Variants in RNF31 observed in about 807,000 individuals in gnomAD.
RNF31 encodes E3 ubiquitin-protein ligase RNF31.
A neutral mutation model predicts 133.6 loss-of-function variants in RNF31; 38 were observed. That is an observed-to-expected ratio of 0.28 (90% CI 0.22 to 0.37). RNF31 has a LOEUF of 0.37. Ranked by LOEUF, RNF31 falls within the 10% of genes least tolerant of loss-of-function variation. The pLI, the probability that RNF31 is intolerant of heterozygous loss-of-function variation, is 1.00. For synonymous variants in RNF31, 582 were observed against 552.3 expected (o/e 1.05, Z -0.75); for missense variants, 1,118 against 1,394.1 (o/e 0.80, Z 3.15).
chr14:24,155,138 C>G lies in RNF31; in HGVS notation c.2131-19C>G, dbSNP rs777094616. ...GCTGTGGCTTCTGACCCCCTCCCCT[C>G]CAACCCCTCACCCTCCAGATGCAGG... On this transcript the variant is annotated intron_variant, in intron 11 of 20. Coordinates refer to ENST00000324103, the MANE Select transcript of RNF31 (RefSeq NM_017999.5). The surrounding 1 kb of genome is among the most constrained non-coding windows in gnomAD (Gnocchi z 4.9). 19 of 1,610,050 alleles carry G rather than the reference C, an allele frequency of 1.2e-5. No homozygotes were observed. Among genetic ancestry groups the G allele is most frequent in the Non-Finnish European group, 1.6e-5 (19 of 1,176,738 alleles).
rs375078306 is a variant in RNF31 at position 24,157,422 on chromosome 14, G to A, written c.2608+18G>A. 499 of 1,605,704 alleles carry A rather than the reference G, an allele frequency of 3.1e-4. No individual in the cohort carries two copies. Among genetic ancestry groups the A allele is most frequent in the Non-Finnish European group, 3.7e-4 (431 of 1,173,076 alleles). ...CGGCATTGGTAAGGCCTCCCTACTC[G>A]GCCTGTTTGCTCAGAAGCCTGTCAT... On this transcript the variant is annotated intron_variant, in intron 15 of 20. Coordinates refer to ENST00000324103, the MANE Select transcript of RNF31 (RefSeq NM_017999.5).
intron 6 of RNF31, 37 bp from the exon 7 acceptor site, chr14:24,150,024 G>C: frequency 6.6e-7 from 1 of 1,519,100 alleles, no homozygotes; most frequent in African/African-American, 1.4e-5. Context: ...GGCACCAGGT[G>C]CCACTTCAGC....
chr14:24,150,827 C>A lies in RNF31; in HGVS notation c.1427C>A (p.Pro476His). 2 of 1,590,934 alleles carry A rather than the reference C, an allele frequency of 1.3e-6. No individual in the cohort carries two copies. Among genetic ancestry groups the A allele is most frequent in the Non-Finnish European group, 1.7e-6 (2 of 1,167,046 alleles). Reference protein sequence around the residue: ...SAPLPSSCGDPEKQRQDKMRE... With the variant: ...SAPLPSSCGDHEKQRQDKMRE... ...CCCCTGCCCAGTTCCTGTGGAGATCCTGAGAAGCAGCGCCAAGACAAGATG... is the reference window on the plus strand; with the variant it reads ...CCCCTGCCCAGTTCCTGTGGAGATCATGAGAAGCAGCGCCAAGACAAGATG... Residue 476 changes from proline to histidine, a missense_variant, in exon 8 of 21, where the codon CCT becomes CAT. Physicochemically the swap from Pro to His is moderately conservative, Grantham distance 77. Transcript: ENST00000324103.
chr14:24,153,080 TAAA>T (rs750111205), intron 11 of RNF31, among the ~76,000 whole-genome samples: 2 of 136,938 alleles, frequency 1.5e-5, no homozygotes, highest in Non-Finnish European at 1.6e-5. Context: ...GACTCCGTCT[TAAA>T]AAAAAAAAAA....
rs376183207 is a variant in RNF31 at position 24,155,149 on chromosome 14, C to A, written c.2131-8C>A. ...TGACCCCCTCCCCTCCAACCCCTCA[C>A]CCTCCAGATGCAGGCCCTGACTTCC... On this transcript the variant is annotated splice_region_variant and splice_polypyrimidine_tract_variant and intron_variant, in intron 11 of 20. Coordinates refer to ENST00000324103, the MANE Select transcript of RNF31 (RefSeq NM_017999.5). This position sits in a 1 kb window ranked among gnomAD's most constrained non-coding sequence, Gnocchi z 4.9. 3.1e-6 allele frequency: 5 copies of A among 1,612,640 alleles called. No homozygotes were observed. In the African/African-American group the frequency reaches 6.7e-5, roughly 22 times the overall value.
intron 11 of RNF31, 23 bp downstream of exon 11, chr14:24,152,015 T>TGG: frequency 6.2e-7 from 1 of 1,608,418 alleles, no homozygotes; most frequent in Non-Finnish European, 8.5e-7. Context: ...CCACGATACC[T>TGG]GGTCCAAGAA....
At chr14:24,148,961 C>T (rs1234697904) in intron 5 of RNF31, 85 bp downstream of exon 5, 3 of 1,194,114 alleles carry the variant, frequency 2.5e-6, no homozygotes, top group African/African-American at 3.0e-5. Flanking sequence ...TGGTTATCTT[C>T]CTTTGTGTTT....
Position 24,157,546 on chromosome 14 carries a change from G to T in RNF31, c.2635G>T (p.Ala879Ser), listed in dbSNP as rs757337678. 2.5e-6 allele frequency: 4 copies of T among 1,614,052 alleles called. No individual in the cohort carries two copies. Among genetic ancestry groups the T allele is most frequent in the Non-Finnish European group, 2.5e-6 (3 of 1,180,036 alleles). ...IDCPKCKFSYALARGGCMHFH... is the reference protein window; with the variant it reads ...IDCPKCKFSYSLARGGCMHFH... The stretch of plus-strand genomic sequence containing the variant: ...CTGCCCCAAATGCAAGTTCTCGTAC[G>T]CCCTGGCCCGAGGAGGCTGCATGCA... Residue 879 changes from alanine (A) to serine (S), a missense_variant, in exon 16 of 21, where the codon GCC becomes TCC. Physicochemically the swap from Ala to Ser is moderately conservative, Grantham distance 99. Transcript: ENST00000324103.
Position 24,155,823 on chromosome 14 carries a change from T to G in RNF31, c.2493+131T>G. On this transcript the variant is annotated intron_variant, in intron 14 of 20. Transcript: ENST00000324103. The surrounding 1 kb of genome is among the most constrained non-coding windows in gnomAD (Gnocchi z 4.9). ...GAGGTCAAAAGAGCTTACAGACTACTCAGAAAGACTAGGCACAAGGAGAAA... is the reference window on the plus strand; with the variant it reads ...GAGGTCAAAAGAGCTTACAGACTACGCAGAAAGACTAGGCACAAGGAGAAA... 1 of 688,238 alleles carries G rather than the reference T, an allele frequency of 1.5e-6. No individual in the cohort carries two copies. The highest frequency in any genetic ancestry group is 2.5e-6 in the Non-Finnish European group (1 of 395,822). 42.6% of individuals were successfully genotyped at this position (688,238 alleles called of 1,614,324 possible). A position where few individuals can be genotyped will look rare whatever the true frequency, so the allele number is the denominator to read the frequency against.
chr14:24,150,865 C>T lies in RNF31; in HGVS notation c.1465C>T (p.Leu489Phe), dbSNP rs774336017. The stretch of plus-strand genomic sequence containing the variant: ...CCAAGACAAGATGCGGGAAGAAGGC[C>T]TCCAGCTAGTGAGCATGATCCGGGT... The part of the protein sequence containing the change: ...QRQDKMREEG[L>F]QLVSMIREGE... The change falls in exon 8 of 21, where the codon CTC becomes TTC. Residue 489 changes from leucine (L) to phenylalanine (F), a missense_variant. Leu to Phe is a conservative substitution (Grantham distance 22). Around this residue, in one of 3 missense-constraint regions of RNF31, gnomAD observed 747 missense variants for 827.9 expected, o/e 0.90. Transcript: ENST00000324103. 2.8e-5 allele frequency: 44 copies of T among 1,562,288 alleles called. No individual in the cohort carries two copies. Among genetic ancestry groups the T allele is most frequent in the Non-Finnish European group, 3.5e-5 (40 of 1,152,952 alleles).
Position 24,148,111 on chromosome 14 carries a change from G to T in RNF31, c.328G>T (p.Asp110Tyr), listed in dbSNP as rs777705751. ...TAACCCTGTCTTTCGCAGCACGGTGGATGCTGTGCAGGTGAATCCCCTGGC... is the reference window on the plus strand; with the variant it reads ...TAACCCTGTCTTTCGCAGCACGGTGTATGCTGTGCAGGTGAATCCCCTGGC... ...FNNPVFRSTVDAVQGGRDVLR... is the reference protein window; with the variant it reads ...FNNPVFRSTVYAVQGGRDVLR... Residue 110 changes from aspartate to tyrosine, a missense_variant, in exon 2 of 21, where the codon GAT (aspartate) becomes TAT (tyrosine). Around this residue, in one of 3 missense-constraint regions of RNF31, gnomAD observed 747 missense variants for 827.9 expected, o/e 0.90. Coordinates refer to ENST00000324103, the MANE Select transcript of RNF31 (RefSeq NM_017999.5). 1 of 1,614,098 alleles carries T rather than the reference G, an allele frequency of 6.2e-7. No individual in the cohort carries two copies. The highest frequency in any genetic ancestry group is 1.3e-5 in the African/African-American group (1 of 74,932).
At chr14:24,157,846 C>T in intron 16 of RNF31, 52 bp from the exon 17 acceptor site, 1 of 1,490,806 alleles carries the variant, frequency 6.7e-7, no homozygotes, top group Non-Finnish European at 9.3e-7. Context: ...TCCTGAGAGG[C>T]CAGGACCCCA....
intron 6 of RNF31, 104 bp downstream of exon 6, chr14:24,149,687 G>A (rs1278681681): frequency 2.5e-6 from 3 of 1,177,304 alleles, no homozygotes; most frequent in Non-Finnish European, 3.6e-6. Context: ...TTTAATAGAG[G>A]ACAAGTAGCC....
intron 6 of RNF31, 71 bp from the exon 7 acceptor site, chr14:24,149,990 G>A (rs1381327524): frequency 6.7e-7 from 1 of 1,491,428 alleles, no homozygotes; most frequent in Admixed American, 2.2e-5. Flanking sequence ...AGGAAATGGA[G>A]AATGCTTAGA....
intron 6 of RNF31, 62 bp from the exon 7 acceptor site, chr14:24,149,999 G>A (rs1173522032): frequency 6.6e-7 from 1 of 1,508,980 alleles, no homozygotes; most frequent in Non-Finnish European, 8.8e-7. Context: ...AGAATGCTTA[G>A]AGGTGAGGGA....
rs2038332870 is a variant in RNF31, at chr14:24,155,743, CTG to C, written c.2493+55_2493+56del. 6.6e-7 allele frequency: 1 copy of C among 1,508,952 alleles called. No homozygotes were observed. The highest frequency in any genetic ancestry group is 1.1e-5 in the South Asian group (1 of 88,640). The allele number at this position is 1,508,952 out of a possible 1,614,324, so 93.5% of individuals were successfully genotyped here. On this transcript the variant is annotated intron_variant, in intron 14 of 20. Coordinates refer to ENST00000324103, the MANE Select transcript of RNF31 (RefSeq NM_017999.5). The surrounding 1 kb of genome is among the most constrained non-coding windows in gnomAD (Gnocchi z 4.9). ...ATACTTGCTGAGCTACTGCCAGGTA[CTG>C]TGTTAGACTCAGGGGAGTTTGTGTA...
intron 6 of RNF31, 55 bp from the exon 7 acceptor site, chr14:24,150,006 G>C: frequency 6.6e-7 from 1 of 1,513,968 alleles, no homozygotes; most frequent in Non-Finnish European, 8.8e-7. Context: ...TTAGAGGTGA[G>C]GGATCCAGGC....
chr14:24,148,172 G>A (rs772591095), intron 2 of RNF31, 50 bp downstream of exon 2: 29 of 1,613,130 alleles, frequency 1.8e-5, no homozygotes, highest in Non-Finnish European at 2.0e-5. Context: ...GGCTAGAAAA[G>A]GCCTGAGGTT....
chr14:24,149,767 T>C (rs1257022281), intron 6 of RNF31, among the ~76,000 whole-genome samples, 184 bp downstream of exon 6: 1 of 152,190 alleles, frequency 6.6e-6, no homozygotes, highest in East Asian at 1.9e-4. Flanking sequence ...CCCAGGTTGT[T>C]ATGGTAATAG....
Sources: allele counts gnomAD v4.1 joint callset (sites outside exome capture counted in the v4.1 genomes callset), GRCh38; gene constraint gnomAD v4.1.1; regional missense constraint gnomAD v4.1.1; non-coding constraint Gnocchi (gnomAD v3.1); transcripts MANE v1.5; gene names NCBI Gene and HGNC (gene_info 2026-07-23, HGNC 2026-07-21).